The following FAF1 variants were observed in gnomAD, a reference collection of about 807,000 sequenced individuals.
FAF1 encodes FAS-associated factor 1.
FAF1 carries 25 observed loss-of-function variants against 92.5 expected under a neutral mutation model. That is an observed-to-expected ratio of 0.27 (90% CI 0.20 to 0.38). The LOEUF is 0.38. FAF1 is among the 10% of genes least tolerant of loss of function. FAF1 has a pLI of 1.00. For missense variants in FAF1, 636 were observed against 793.3 expected (o/e 0.80, Z 2.38); for synonymous variants, 234 against 273.2 (o/e 0.86, Z 1.42).
chr1:50,910,772 C>CT (rs1378071876), intron 1 of FAF1, among the ~76,000 whole-genome samples: 2 of 151,958 alleles, frequency 1.3e-5, no homozygotes, highest in Non-Finnish European at 2.9e-5. Flanking sequence ...TTTCCAGGTA[C>CT]CGTCTGTCAC....
chr1:50,917,969 A>G (rs1378341494), intron 1 of FAF1, among the ~76,000 whole-genome samples: 3 of 152,150 alleles, frequency 2.0e-5, no homozygotes, highest in Admixed American at 1.3e-4. Context: ...ATCTACAATA[A>G]TAGAAATCAG....
chr1:50,490,566 T>A, intron 17 of FAF1, 22 bp downstream of exon 17: 1 of 1,551,888 alleles, frequency 6.4e-7, no homozygotes. Context: ...TTTGAATAAC[T>A]TTTCTTAAAA....
chr1:50,654,302 T>C (rs761753814), intron 8 of FAF1, among the ~76,000 whole-genome samples: 5 of 152,210 alleles, frequency 3.3e-5, no homozygotes, highest in Admixed American at 2.0e-4. Context: ...CAATTTCTTT[T>C]TAGCCCTATT....
At chr1:50,955,414 T>C (rs1224682513) in intron 1 of FAF1, among the ~76,000 whole-genome samples, 2 of 152,254 alleles carry the variant, frequency 1.3e-5, no homozygotes, top group Non-Finnish European at 2.9e-5. Flanking sequence ...CATTCCTTTA[T>C]CAGTAACATA....
At chr1:50,476,273 G>T (rs942952982) in intron 17 of FAF1, among the ~76,000 whole-genome samples, 1 of 152,172 alleles carries the variant, frequency 6.6e-6, no homozygotes, top group African/African-American at 2.4e-5. Flanking sequence ...TATATATTTT[G>T]CCACAATAAA....
intron 7 of FAF1, among the ~76,000 whole-genome samples, chr1:50,667,117 C>A (rs1032275799): frequency 8.5e-5 from 13 of 152,186 alleles, no homozygotes; most frequent in Non-Finnish European, 1.6e-4. Context: ...GGCAGAGTTC[C>A]TGGTGTCACA....
At chr1:50,710,913 G>GTTT (rs748376546) in intron 6 of FAF1, among the ~76,000 whole-genome samples, 3 of 113,116 alleles carry the variant, frequency 2.7e-5, no homozygotes, top group Non-Finnish European at 5.6e-5. Context: ...AGTGGCATTT[G>GTTT]TTTTTTTTTT....
chr1:50,518,879 G>C (rs1647340609), intron 15 of FAF1, among the ~76,000 whole-genome samples: 2 of 152,292 alleles, frequency 1.3e-5, no homozygotes, highest in South Asian at 4.1e-4. Context: ...GAACCACTTT[G>C]TATTCTTGAC....
In FAF1 at chr1:50,653,668, C is replaced by G. The variant is rs111605271; in HGVS notation, c.744+1774G>C. On this transcript the variant is annotated intron_variant, in intron 8 of 18. Transcript: ENST00000396153. ...GTCACCTTAGGTCAGGAGTTCAAGACCAGCCTGGCCTACTTGGTGAAACTT... is the reference window on the plus strand; with the variant it reads ...GTCACCTTAGGTCAGGAGTTCAAGAGCAGCCTGGCCTACTTGGTGAAACTT... Among the ~76,000 whole-genome samples, 861 of 152,150 alleles carry G rather than the reference C, an allele frequency of 5.7e-3. 3 individuals are homozygous for G. The highest frequency in any genetic ancestry group is 0.01 in the Middle Eastern group (3 of 294).
At chr1:50,699,070 T>C (rs1193160879) in intron 7 of FAF1, among the ~76,000 whole-genome samples, 2 of 152,108 alleles carry the variant, frequency 1.3e-5, no homozygotes, top group South Asian at 2.1e-4. Context: ...TCTTTGATAA[T>C]AGCTATAATT....
At chr1:50,762,653 C>T (rs1331597753) in intron 4 of FAF1, among the ~76,000 whole-genome samples, 3 of 152,304 alleles carry the variant, frequency 2.0e-5, no homozygotes, top group Non-Finnish European at 2.9e-5. Context: ...AAAGCTGAAA[C>T]TGGATCCCTC....
Position 50,493,034 on chromosome 1 carries a change from CT to C in FAF1, c.1495-1234del, listed in dbSNP as rs527436973. Among the ~76,000 whole-genome samples the C allele has an allele frequency of 2.5e-3, 344 of 137,848 alleles. 1 individual carries two copies. The highest frequency in any genetic ancestry group is 4.8e-3 in the East Asian group (23 of 4,772). 90.4% of individuals were successfully genotyped at this position (137,848 alleles called of 152,430 possible). A position where few individuals can be genotyped will look rare whatever the true frequency, so the allele number is the denominator to read the frequency against. ...AGTCATCGATTAAAGGATTAAACTT[CT>C]TTTTTTTTTTTTTTTGAGGGGGAGT... is the stretch of plus-strand genomic sequence containing the variant. On this transcript the variant is annotated intron_variant, in intron 15 of 18. Transcript: ENST00000396153.
intron 13 of FAF1, among the ~76,000 whole-genome samples, chr1:50,558,412 G>C (rs1649702967): frequency 6.6e-6 from 1 of 152,040 alleles, no homozygotes; most frequent in Non-Finnish European, 1.5e-5. Context: ...TTACAGAATG[G>C]GGAAGGATTC....
chr1:50,442,774 G>A (rs1315553216), intron 18 of FAF1, among the ~76,000 whole-genome samples: 1 of 152,196 alleles, frequency 6.6e-6, no homozygotes, highest in Non-Finnish European at 1.5e-5. Flanking sequence ...AAGGCAGGCT[G>A]GCAAGGGGAA....
At chr1:50,588,491 C>A (rs988990662) in intron 9 of FAF1, among the ~76,000 whole-genome samples, 1 of 152,118 alleles carries the variant, frequency 6.6e-6, no homozygotes, top group African/African-American at 2.4e-5. Flanking sequence ...GGGCTGCCAT[C>A]AGTAAGGAGA....
chr1:50,848,179 TAATTA>T (rs1272512568), intron 2 of FAF1, among the ~76,000 whole-genome samples: 1 of 152,118 alleles, frequency 6.6e-6, no homozygotes, highest in Non-Finnish European at 1.5e-5. Flanking sequence ...AAACAAATGA[TAATTA>T]AATTAACTTT....
chr1:50,860,966 C>T (rs376874167), intron 1 of FAF1, among the ~76,000 whole-genome samples: 38 of 151,846 alleles, frequency 2.5e-4, no homozygotes, highest in East Asian at 7.7e-4. Flanking sequence ...TAATCCTAAG[C>T]GAATTAATGC....
At chr1:50,500,258 A>G (rs931641895) in intron 15 of FAF1, among the ~76,000 whole-genome samples, 3 of 152,334 alleles carry the variant, frequency 2.0e-5, no homozygotes, top group Admixed American at 2.0e-4. Context: ...ACTTGATTTC[A>G]AGATTTATTA....
intron 4 of FAF1, 70 bp downstream of exon 4, chr1:50,787,929 TA>T: frequency 1.6e-4 from 214 of 1,371,892 alleles, no homozygotes; most frequent in Non-Finnish European, 1.9e-4. Flanking sequence ...CAACTAGAAA[TA>T]AAAAAAATAT....
Sources: gnomAD v4.1 joint callset for allele counts (sites outside exome capture counted in the v4.1 genomes callset) on GRCh38, gnomAD v4.1.1 for gene constraint, MANE v1.5 for transcripts, NCBI Gene and HGNC (gene_info 2026-07-23, HGNC 2026-07-21) for gene names.